The following FOCAD variants were observed in gnomAD, a reference collection of about 807,000 sequenced individuals.
FOCAD encodes the protein focadhesin.
A neutral mutation model predicts 225.6 loss-of-function variants in FOCAD; 198 were observed. That is an observed-to-expected ratio of 0.88 (90% CI 0.78 to 0.99). The LOEUF (loss-of-function observed/expected upper bound fraction) is 0.99, where lower values mean the gene tolerates loss of function less well. Among genes scored for constraint, FOCAD ranks in the 50% least tolerant of loss-of-function variants. The pLI, the probability that FOCAD is intolerant of heterozygous loss-of-function variation, is 0.00. For synonymous variants in FOCAD, 897 were observed against 755.0 expected (o/e 1.19, Z -3.08); for missense variants, 2,713 against 2,123.6 (o/e 1.28, Z -5.46).
chr9:20,983,291 G>A (rs918982098), intron 39 of FOCAD, among the ~76,000 whole-genome samples: 1 of 151,938 alleles, frequency 6.6e-6, no homozygotes, highest in Non-Finnish European at 1.5e-5. Flanking sequence ...AGAATATTTG[G>A]GGCCAGGTGC....
At chr9:20,986,731 C>T (rs1444086704) in intron 40 of FOCAD, among the ~76,000 whole-genome samples, 3 of 152,284 alleles carry the variant, frequency 2.0e-5, no homozygotes, top group African/African-American at 4.8e-5. Flanking sequence ...AACAAGTTAG[C>T]TGCTTCTGCC....
intron 21 of FOCAD, 57 bp downstream of exon 21, chr9:20,885,287 T>G: frequency 1.5e-6 from 2 of 1,329,578 alleles, no homozygotes; most frequent in Non-Finnish European, 1.9e-6. Flanking sequence ...CATGATATGT[T>G]TAAGAAGTTG....
intron 22 of FOCAD, among the ~76,000 whole-genome samples, chr9:20,909,859 G>C (rs1449105963): frequency 1.3e-5 from 2 of 152,078 alleles, no homozygotes; most frequent in African/African-American, 4.8e-5. Context: ...TTCGGTCCTA[G>C]AAGACACTTT....
chr9:20,928,164 A>G (rs1346541464), intron 26 of FOCAD, among the ~76,000 whole-genome samples: 2 of 152,168 alleles, frequency 1.3e-5, no homozygotes, highest in African/African-American at 2.4e-5. Flanking sequence ...AATTTCTCAT[A>G]TGCTGCTTAG....
At chr9:20,946,918 T>C (rs1837239543) in intron 30 of FOCAD, 98 bp downstream of exon 30, 1 of 1,468,528 alleles carries the variant, frequency 6.8e-7, no homozygotes, top group Admixed American at 2.1e-5. Context: ...ATGGGATATT[T>C]TTCATGTCTA....
upstream of FOCAD, among the ~76,000 whole-genome samples, chr9:20,682,853 C>G (rs1457978109): frequency 6.6e-6 from 1 of 152,200 alleles, no homozygotes; most frequent in Non-Finnish European, 1.5e-5. Context: ...TCACTGCAAC[C>G]TCCGCCTCCC....
chr9:20,685,969 T>G (rs896923168), intron 1 of FOCAD, among the ~76,000 whole-genome samples: 1 of 152,200 alleles, frequency 6.6e-6, no homozygotes, highest in African/African-American at 2.4e-5. Flanking sequence ...TGATGGTGCT[T>G]ACCGGTAAAT....
At position 20,819,843 on chromosome 9, in the gene FOCAD, G is replaced by A. The variant is rs766295669; in HGVS notation, c.1503G>A (p.Leu501=). 1 of 1,543,054 alleles carries A rather than the reference G, an allele frequency of 6.5e-7. No homozygotes were observed. Among genetic ancestry groups the A allele is most frequent in the East Asian group, 2.4e-5 (1 of 41,882 alleles). The change falls in exon 12 of 44, where the codon CTG becomes CTA. Residue 501 remains leucine, a synonymous_variant. Coordinates refer to ENST00000338382, the MANE Select transcript of FOCAD (RefSeq NM_001375567.1). The part of the protein sequence containing the change: ...PVLMFKLGRP[L]EPILYNDILY... ...TGATGTTCAAATTGGGAAGACCACT[G>A]GAACCTATATTATATAATGATATAT...
chr9:20,763,328 A>G (rs1044238866), intron 6 of FOCAD, among the ~76,000 whole-genome samples: 2 of 152,126 alleles, frequency 1.3e-5, no homozygotes, highest in African/African-American at 4.8e-5. Flanking sequence ...TAATAATAAC[A>G]GCTTGTAATC....
intron 4 of FOCAD, among the ~76,000 whole-genome samples, chr9:20,734,094 T>G (rs1826936949): frequency 6.6e-6 from 1 of 152,246 alleles, no homozygotes; most frequent in South Asian, 2.1e-4. Flanking sequence ...ATAAAAGTTG[T>G]GCAAACAGTG....
chr9:20,769,702 A>T (rs1432176984), intron 7 of FOCAD, among the ~76,000 whole-genome samples: 4 of 152,242 alleles, frequency 2.6e-5, no homozygotes, highest in South Asian at 2.1e-4. Flanking sequence ...AGAATTCAAA[A>T]CTAAACTTAA....
intron 21 of FOCAD, among the ~76,000 whole-genome samples, chr9:20,901,191 A>AAT (rs1832525855): frequency 7.6e-6 from 1 of 132,350 alleles, no homozygotes; most frequent in Non-Finnish European, 1.6e-5. Flanking sequence ...ATGTGGAAAC[A>AAT]ATGTGTGTGT....
rs769166640 is a variant in FOCAD, at chr9:20,907,166, C to T, written c.2642C>T (p.Ser881Leu). ...ALVHEVHIQL[S>L]EWHRAIFLPQ... ...TTCCCATAGGTTCATATCCAGCTTT[C>T]AGAGTGGCACCGTGCAATTTTTCTT... The change falls in exon 22 of 44, where the codon TCA becomes TTA. Residue 881 changes from serine to leucine, a missense_variant. Transcript: ENST00000338382. 3.7e-6 allele frequency: 6 copies of T among 1,612,846 alleles called. No homozygotes were observed. The highest frequency in any genetic ancestry group is 1.3e-5 in the African/African-American group (1 of 74,790).
intron 28 of FOCAD, among the ~76,000 whole-genome samples, chr9:20,944,159 C>G (rs541449344): frequency 1.3e-5 from 2 of 152,172 alleles, no homozygotes; most frequent in African/African-American, 2.4e-5. Flanking sequence ...CATAATCATG[C>G]CTTGCATTTA....
chr9:20,834,693 G>A (rs1221532670), intron 15 of FOCAD, among the ~76,000 whole-genome samples: 2 of 152,042 alleles, frequency 1.3e-5, no homozygotes, highest in African/African-American at 2.4e-5. Context: ...AATCAGAGTA[G>A]TGGTAGTCTT....
intron 1 of FOCAD, among the ~76,000 whole-genome samples, chr9:20,708,599 G>A (rs1007560634): frequency 1.3e-5 from 2 of 151,736 alleles, no homozygotes; most frequent in Admixed American, 6.6e-5. Flanking sequence ...GGGAGTCCCC[G>A]TTGCTACAAA....
chr9:20,661,718 C>T (rs1042730223), intron 2 of FOCAD, among the ~76,000 whole-genome samples: 9 of 152,138 alleles, frequency 5.9e-5, no homozygotes, highest in African/African-American at 2.2e-4. Flanking sequence ...GTACATATTG[C>T]TGCAAGCCCT....
intron 1 of FOCAD, among the ~76,000 whole-genome samples, chr9:20,713,120 A>G (rs894489454): frequency 6.6e-6 from 1 of 152,168 alleles, no homozygotes; most frequent in Admixed American, 6.5e-5. Flanking sequence ...TGGTACCCCA[A>G]GTGATTCTAT....
At chr9:20,963,355 C>A (rs932303645) in intron 35 of FOCAD, among the ~76,000 whole-genome samples, 1 of 152,126 alleles carries the variant, frequency 6.6e-6, no homozygotes, top group African/African-American at 2.4e-5. Flanking sequence ...AAGGAGAGCT[C>A]ATTATCTTAA....
Sources: gnomAD v4.1 joint callset for allele counts (sites outside exome capture counted in the v4.1 genomes callset) on GRCh38, gnomAD v4.1.1 for gene constraint, MANE v1.5 for transcripts, NCBI Gene and HGNC (gene_info 2026-07-23, HGNC 2026-07-21) for gene names.